Variants in RORA observed in about 807,000 individuals in gnomAD.
RORA encodes the protein RAR related orphan receptor A.
A neutral mutation model predicts 69.5 loss-of-function variants in RORA; 7 were observed. The observed-to-expected ratio is 0.10, with a 90% CI of 0.06 to 0.19. The LOEUF (loss-of-function observed/expected upper bound fraction) is 0.19. RORA is among the 10% of genes least tolerant of loss of function. The probability of loss-of-function intolerance (pLI) is 1.00; values close to 1 mark genes in which losing one functional copy is unlikely to be tolerated. For missense variants in RORA, 457 were observed against 663.0 expected (o/e 0.69, Z 3.41); for synonymous variants, 261 against 240.8 (o/e 1.08, Z -0.78).
rs1179606399 is a variant in RORA at position 60,751,666 on chromosome 15, C to T, written c.167-72980G>A. Among the ~76,000 whole-genome samples the T allele has an allele frequency of 2.0e-5, 3 of 152,138 alleles. No individual in the cohort carries two copies. In the East Asian group the frequency reaches 5.8e-4, roughly 29 times the overall value. On this transcript the variant is annotated intron_variant, in intron 1 of 10. Coordinates refer to ENST00000335670, the MANE Select transcript of RORA (RefSeq NM_134261.3). ...TGACTCCAGCACCTGCTTTCTTGAC[C>T]ACTGCGGGCCTGGCTTTCACAGGTG...
At chr15:60,658,983 C>T (rs1305617769) in intron 2 of RORA, among the ~76,000 whole-genome samples, 2 of 152,160 alleles carry the variant, frequency 1.3e-5, no homozygotes, top group African/African-American at 4.8e-5. Context: ...TTGACCCATC[C>T]CTGACAGAAA....
At chr15:60,849,822 G>A (rs925111961) in intron 1 of RORA, among the ~76,000 whole-genome samples, 1 of 152,166 alleles carries the variant, frequency 6.6e-6, no homozygotes, top group African/African-American at 2.4e-5. Context: ...GGCCCATCAG[G>A]GTTGGTGGGA....
chr15:60,798,622 C>G (rs1242387839), intron 1 of RORA, among the ~76,000 whole-genome samples: 1 of 151,902 alleles, frequency 6.6e-6, no homozygotes, highest in Non-Finnish European at 1.5e-5. Context: ...AAAAATGGCA[C>G]CATCCCAAGC....
Position 60,828,324 on chromosome 15 carries a change from T to A in RORA, c.167-149638A>T, listed in dbSNP as rs189182021. The stretch of plus-strand genomic sequence containing the variant: ...TAGGTGAAGAAGGTGGCCCTGCCAA[T>A]CTAGTAATCAGTTCCAGGTAGAGAA... On this transcript the variant is annotated intron_variant, in intron 1 of 10. Coordinates refer to ENST00000335670, the MANE Select transcript of RORA (RefSeq NM_134261.3). Among the ~76,000 whole-genome samples, 565 of 152,260 alleles carry A rather than the reference T, an allele frequency of 3.7e-3. 8 individuals are homozygous for A. Among genetic ancestry groups the A allele is most frequent in the Non-Finnish European group, 9.3e-4 (63 of 68,018 alleles).
intron 2 of RORA, among the ~76,000 whole-genome samples, chr15:60,540,429 C>A (rs544224292): frequency 6.6e-6 from 1 of 152,124 alleles, no homozygotes; most frequent in South Asian, 2.1e-4. Flanking sequence ...ACCAATTACC[C>A]CCAACATTCT....
chr15:60,503,860 T>C (rs2065408785), intron 6 of RORA, among the ~76,000 whole-genome samples, 193 bp from the exon 7 acceptor site: 1 of 152,164 alleles, frequency 6.6e-6, no homozygotes, highest in African/African-American at 2.4e-5. Flanking sequence ...TGGAGTGCAG[T>C]GGAACAATCT....
intron 1 of RORA, among the ~76,000 whole-genome samples, chr15:61,227,287 C>A (rs2080155058): frequency 1.3e-5 from 2 of 151,386 alleles, no homozygotes; most frequent in Non-Finnish European, 1.5e-5. Flanking sequence ...TTACATAACC[C>A]GCTCGCATTC....
At chr15:60,693,487 A>T (rs1477680936) in intron 1 of RORA, among the ~76,000 whole-genome samples, 1 of 152,248 alleles carries the variant, frequency 6.6e-6, no homozygotes, top group Non-Finnish European at 1.5e-5. Context: ...TATTCTTTCA[A>T]ATAGGAAGAG....
intron 1 of RORA, among the ~76,000 whole-genome samples, chr15:61,092,668 C>A (rs543894869): frequency 1.9e-4 from 29 of 152,354 alleles, no homozygotes; most frequent in African/African-American, 6.3e-4. Context: ...CATTTACTTA[C>A]ATCTCTACAA....
chr15:60,899,987 T>C (rs900473238), intron 1 of RORA, among the ~76,000 whole-genome samples: 5 of 152,218 alleles, frequency 3.3e-5, no homozygotes, highest in Non-Finnish European at 7.3e-5. Flanking sequence ...TCTGCAGAAT[T>C]ATTTTAGTTG....
At chr15:60,820,362 G>T (rs1322032685) in intron 1 of RORA, among the ~76,000 whole-genome samples, 3 of 152,128 alleles carry the variant, frequency 2.0e-5, no homozygotes, top group Non-Finnish European at 4.4e-5. Context: ...TCTTTCAAGG[G>T]GTTGAAAGGA....
chr15:60,802,331 C>A (rs1191588407), intron 1 of RORA, among the ~76,000 whole-genome samples: 2 of 152,168 alleles, frequency 1.3e-5, no homozygotes, highest in African/African-American at 2.4e-5. Flanking sequence ...CAGGTAGGAA[C>A]CAAAGAAGTG....
chr15:60,754,103 T>A (rs535687945), intron 1 of RORA, among the ~76,000 whole-genome samples: 1 of 152,372 alleles, frequency 6.6e-6, no homozygotes, highest in Admixed American at 6.5e-5. Context: ...TATGGTTACT[T>A]CCTATATTGT....
chr15:60,928,309 A>G (rs1338463335), intron 1 of RORA, among the ~76,000 whole-genome samples: 1 of 152,216 alleles, frequency 6.6e-6, no homozygotes, highest in African/African-American at 2.4e-5. Context: ...TTGTCAAGTA[A>G]ATGAGGGTTT....
chr15:61,130,060 CA>C (rs1199027915), intron 1 of RORA, among the ~76,000 whole-genome samples: 4 of 152,072 alleles, frequency 2.6e-5, no homozygotes, highest in Non-Finnish European at 1.5e-5. Flanking sequence ...AGAAGAAAAA[CA>C]GGAAGAAAGC....
Position 60,492,308 on chromosome 15 carries a change from C to G in RORA, c.*5147G>C, listed in dbSNP as rs1240916087. The G allele has an allele frequency of 6.6e-6, 1 of 152,112 alleles. No homozygotes were observed. Among genetic ancestry groups the G allele is most frequent in the Admixed American group, 6.6e-5 (1 of 15,260 alleles). The allele number at this position is 152,112 out of a possible 1,614,324, so 9.4% of individuals were successfully genotyped here. On this transcript the variant is annotated 3_prime_UTR_variant, in exon 11 of 11. Transcript: ENST00000335670. Reference sequence around the variant, plus strand: ...GGAATATGATAACAAAACGGTATTTCAAAAATATAACATGTAACACTAAAT... The same window carrying G: ...GGAATATGATAACAAAACGGTATTTGAAAAATATAACATGTAACACTAAAT...
chr15:60,666,217 G>T (rs1346716462), intron 2 of RORA, among the ~76,000 whole-genome samples: 1 of 147,792 alleles, frequency 6.8e-6, no homozygotes, highest in Non-Finnish European at 1.5e-5. Context: ...GTCTAGTCTA[G>T]AGTGCAGTGG....
At chr15:60,994,490 G>C (rs1304033611) in intron 1 of RORA, among the ~76,000 whole-genome samples, 1 of 152,104 alleles carries the variant, frequency 6.6e-6, no homozygotes, top group African/African-American at 2.4e-5. Flanking sequence ...CATTTCATGA[G>C]CCCCAGGAAA....
Position 61,131,333 on chromosome 15 carries a change from A to C in RORA, c.166+97720T>G, listed in dbSNP as rs529386863. Among the ~76,000 whole-genome samples, 2 of 152,358 alleles carry C rather than the reference A, an allele frequency of 1.3e-5. No homozygotes were observed. Among genetic ancestry groups the C allele is most frequent in the African/African-American group, 4.8e-5 (2 of 41,594 alleles). The stretch of plus-strand genomic sequence containing the variant: ...ATAAATCCATGTTTTAAAAGTTTTG[A>C]ATTGTCTGTAGAAAATAAATCTAGA... On this transcript the variant is annotated intron_variant, in intron 1 of 10. Coordinates refer to ENST00000335670, the MANE Select transcript of RORA (RefSeq NM_134261.3). This position sits in a 1 kb window ranked among gnomAD's most constrained non-coding sequence, Gnocchi z 4.2.
Sources: gnomAD v4.1 joint callset for allele counts (sites outside exome capture counted in the v4.1 genomes callset) on GRCh38, gnomAD v4.1.1 for gene constraint, Gnocchi (gnomAD v3.1) non-coding constraint, MANE v1.5 for transcripts, NCBI Gene and HGNC (gene_info 2026-07-23, HGNC 2026-07-21) for gene names.